The following CSMD1 variants were observed in gnomAD, a reference collection of about 807,000 sequenced individuals.
CSMD1 encodes CUB and sushi domain-containing protein 1.
A neutral mutation model predicts 417.5 loss-of-function variants in CSMD1; 213 were observed. The observed-to-expected ratio is 0.51, with a 90% confidence interval of 0.46 to 0.57. The LOEUF is 0.57. Ranked by LOEUF, CSMD1 falls within the 20% of genes least tolerant of loss-of-function variation. The pLI is 0.00. For missense variants in CSMD1, 6,923 were observed against 4,529.7 expected (o/e 1.53, Z -15.17); for synonymous variants, 2,862 against 1,736.8 (o/e 1.65, Z -16.11).
intron 3 of CSMD1, among the ~76,000 whole-genome samples, chr8:4,142,055 A>ATT (rs199504227): frequency 0.3 from 44,590 of 151,018 alleles, 8,323 homozygotes; most frequent in Non-Finnish European, 0.39. Flanking sequence ...GTTTGAATAT[A>ATT]TAAGTTGAAA....
intron 1 of CSMD1, among the ~76,000 whole-genome samples, chr8:4,823,589 G>A (rs1474947918): frequency 1.3e-5 from 2 of 152,010 alleles, no homozygotes; most frequent in African/African-American, 2.4e-5. Context: ...AGCAAAGATG[G>A]GCATTTGCCC....
intron 1 of CSMD1, among the ~76,000 whole-genome samples, chr8:4,744,641 T>C (rs1347989730): frequency 6.6e-6 from 1 of 152,180 alleles, no homozygotes; most frequent in Non-Finnish European, 1.5e-5. Context: ...CTAACAATAT[T>C]ATTCTCAATT....
chr8:4,321,751 C>G (rs967557378), intron 3 of CSMD1, among the ~76,000 whole-genome samples: 1 of 152,064 alleles, frequency 6.6e-6, no homozygotes, highest in African/African-American at 2.4e-5. Flanking sequence ...ATTAAGAGTA[C>G]TTTCAAAAAG....
At chr8:2,995,758 A>G (rs1229455678) in intron 54 of CSMD1, among the ~76,000 whole-genome samples, 1 of 152,212 alleles carries the variant, frequency 6.6e-6, no homozygotes, top group African/African-American at 2.4e-5. Context: ...ACTTGGATGA[A>G]TCTCCGGAAA....
intron 5 of CSMD1, among the ~76,000 whole-genome samples, chr8:3,854,979 G>A (rs919198489): frequency 1.3e-5 from 2 of 152,026 alleles, no homozygotes; most frequent in Admixed American, 6.6e-5. Flanking sequence ...ACACACAAAT[G>A]TCCAGGCCCA....
intron 51 of CSMD1, among the ~76,000 whole-genome samples, chr8:3,027,224 C>T (rs1809997765): frequency 6.6e-6 from 1 of 152,054 alleles, no homozygotes. Context: ...TCAGTTTGGT[C>T]ACAAAAGTAA....
intron 3 of CSMD1, among the ~76,000 whole-genome samples, chr8:4,241,489 G>GT (rs1392738049): frequency 6.6e-6 from 1 of 152,184 alleles, no homozygotes; most frequent in African/African-American, 2.4e-5. Context: ...CAGTGAGGAT[G>GT]TGTCTTTGAA....
chr8:3,387,313 C>G (rs543835032), intron 18 of CSMD1, among the ~76,000 whole-genome samples, 181 bp downstream of exon 18: 2 of 152,178 alleles, frequency 1.3e-5, no homozygotes, highest in East Asian at 1.9e-4. Context: ...AGTACATACA[C>G]GGTGGTAGGT....
chr8:3,832,379 G>C (rs992106537), intron 5 of CSMD1, among the ~76,000 whole-genome samples: 1 of 152,100 alleles, frequency 6.6e-6, no homozygotes, highest in Non-Finnish European at 1.5e-5. Flanking sequence ...TTTTTCTGGT[G>C]ACATTTTCTC....
chr8:3,309,511 C>G (rs1805159506), intron 23 of CSMD1, among the ~76,000 whole-genome samples: 1 of 152,134 alleles, frequency 6.6e-6, no homozygotes, highest in East Asian at 1.9e-4. Context: ...TTCTGCAGTA[C>G]TGAGAGCTGT....
intron 2 of CSMD1, among the ~76,000 whole-genome samples, chr8:4,570,957 T>G (rs1798864463): frequency 6.6e-6 from 1 of 152,326 alleles, no homozygotes; most frequent in East Asian, 1.9e-4. Flanking sequence ...TCTGTGGTGG[T>G]ACTTTGTATT....
chr8:3,528,916 T>C (rs1466331923), intron 10 of CSMD1, among the ~76,000 whole-genome samples: 2 of 152,154 alleles, frequency 1.3e-5, no homozygotes, highest in African/African-American at 4.8e-5. Flanking sequence ...TCTGCAAAAA[T>C]ATGATAAATA....
chr8:3,565,215 G>C (rs34339952), intron 10 of CSMD1, among the ~76,000 whole-genome samples: 2,533 of 139,258 alleles, frequency 0.018, 77 homozygotes, highest in East Asian at 0.054. Context: ...GATAGATAGA[G>C]AGATAGACAG....
At chr8:3,962,005 G>A (rs1812361657) in intron 5 of CSMD1, among the ~76,000 whole-genome samples, 1 of 152,162 alleles carries the variant, frequency 6.6e-6, no homozygotes, top group Non-Finnish European at 1.5e-5. Flanking sequence ...ACAAAGACAT[G>A]CGTGCTTGTG....
At chr8:3,037,246 C>CT (rs1369823331) in intron 50 of CSMD1, among the ~76,000 whole-genome samples, 2 of 150,534 alleles carry the variant, frequency 1.3e-5, no homozygotes, top group African/African-American at 4.9e-5. Flanking sequence ...CGCTCTGTGG[C>CT]CCAGGCTGGA....
At chr8:3,912,621 T>G (rs574258497) in intron 5 of CSMD1, among the ~76,000 whole-genome samples, 90 of 152,246 alleles carry the variant, frequency 5.9e-4, no homozygotes, top group African/African-American at 2.0e-3. Context: ...TAAGGTGAAT[T>G]GCACCCAGTG....
chr8:3,680,708 T>C (rs1012617524), intron 7 of CSMD1, among the ~76,000 whole-genome samples: 9 of 152,162 alleles, frequency 5.9e-5, no homozygotes, highest in East Asian at 1.9e-4. Context: ...ATCATCCTGA[T>C]ACCAAAGCCG....
chr8:4,855,099 C>T (rs1311059032), intron 1 of CSMD1, among the ~76,000 whole-genome samples: 2 of 151,938 alleles, frequency 1.3e-5, no homozygotes, highest in Non-Finnish European at 2.9e-5. Flanking sequence ...CAAGTGGGTC[C>T]CTGACCCCTG....
chr8:3,146,175 G>A (rs1818833196), intron 40 of CSMD1, among the ~76,000 whole-genome samples: 1 of 152,162 alleles, frequency 6.6e-6, no homozygotes, highest in Admixed American at 6.5e-5. Flanking sequence ...TAGTGCAGTA[G>A]ATTTTAAGTA....
Sources: gnomAD v4.1 joint callset for allele counts (sites outside exome capture counted in the v4.1 genomes callset) on GRCh38, gnomAD v4.1.1 for gene constraint, MANE v1.5 for transcripts, NCBI Gene and HGNC (gene_info 2026-07-23, HGNC 2026-07-21) for gene names.